The following LRRC4C variants were observed in gnomAD, a reference collection of about 807,000 sequenced individuals.
The protein encoded by LRRC4C is leucine-rich repeat-containing protein 4C.
LRRC4C carries 5 observed loss-of-function variants against 33.6 expected under a neutral mutation model. The observed-to-expected ratio is 0.15, with a 90% confidence interval of 0.08 to 0.31. LRRC4C has a LOEUF of 0.31. LRRC4C is among the 10% of genes least tolerant of loss of function. The pLI is 1.00. For missense variants in LRRC4C, 560 were observed against 796.7 expected (o/e 0.70, Z 3.58); for synonymous variants, 329 against 302.0 (o/e 1.09, Z -0.93).
intron 4 of LRRC4C, among the ~76,000 whole-genome samples, chr11:40,276,976 T>A (rs1353402693): frequency 6.6e-6 from 1 of 152,160 alleles, no homozygotes; most frequent in East Asian, 1.9e-4. Flanking sequence ...TATCACTATA[T>A]CTCTTCCTGC....
At chr11:40,793,294 T>G (rs935975133) in intron 2 of LRRC4C, among the ~76,000 whole-genome samples, 1 of 152,190 alleles carries the variant, frequency 6.6e-6, no homozygotes, top group Admixed American at 6.5e-5. Context: ...TTAAGAAATT[T>G]CTTACTTGAT....
chr11:40,663,812 A>G (rs916822857), intron 2 of LRRC4C, among the ~76,000 whole-genome samples: 5 of 152,238 alleles, frequency 3.3e-5, no homozygotes, highest in Non-Finnish European at 7.3e-5. Context: ...GAAACATTAG[A>G]CAATCCCATA....
intron 2 of LRRC4C, among the ~76,000 whole-genome samples, chr11:40,916,935 C>G (rs1339210174): frequency 6.6e-6 from 1 of 151,972 alleles, no homozygotes. Flanking sequence ...CAGTTAAGAT[C>G]TTTCTTAGAA....
At chr11:40,269,899 G>A (rs1456349409) in intron 4 of LRRC4C, among the ~76,000 whole-genome samples, 2 of 152,088 alleles carry the variant, frequency 1.3e-5, no homozygotes, top group Non-Finnish European at 2.9e-5. Flanking sequence ...TGGAACTTGG[G>A]ATTCCTTTTT....
At chr11:40,284,624 C>T (rs538949780) in intron 4 of LRRC4C, among the ~76,000 whole-genome samples, 1 of 152,198 alleles carries the variant, frequency 6.6e-6, no homozygotes, top group Non-Finnish European at 1.5e-5. Context: ...AGGAGAGAAA[C>T]GCTAGAATCT....
At chr11:41,410,472 C>A (rs1002464555) in intron 1 of LRRC4C, among the ~76,000 whole-genome samples, 1 of 147,174 alleles carries the variant, frequency 6.8e-6, no homozygotes, top group African/African-American at 2.5e-5. Context: ...AGTGCAGTGG[C>A]GCTATCTCCG....
intron 2 of LRRC4C, among the ~76,000 whole-genome samples, chr11:40,905,143 G>C (rs951421712): frequency 1.3e-5 from 2 of 152,092 alleles, no homozygotes; most frequent in African/African-American, 4.8e-5. Flanking sequence ...TGGAATAGGC[G>C]GGGAGGATTT....
intron 1 of LRRC4C, among the ~76,000 whole-genome samples, chr11:41,090,044 T>C (rs1940293699): frequency 6.6e-6 from 1 of 152,048 alleles, no homozygotes; most frequent in South Asian, 2.1e-4. Flanking sequence ...AGACTAAATG[T>C]CCAAATATAG....
chr11:41,345,755 G>A (rs955722331), intron 1 of LRRC4C, among the ~76,000 whole-genome samples: 9 of 152,010 alleles, frequency 5.9e-5, no homozygotes, highest in Admixed American at 5.2e-4. Context: ...CAGAGTCTCC[G>A]CACTAGATAC....
intron 5 of LRRC4C, among the ~76,000 whole-genome samples, chr11:40,188,414 A>G (rs1861577025): frequency 6.6e-6 from 1 of 152,228 alleles, no homozygotes; most frequent in South Asian, 2.1e-4. Flanking sequence ...ATCAGGATGA[A>G]TGTTTGTTCA....
At chr11:41,150,719 G>A (rs374212388) in intron 1 of LRRC4C, among the ~76,000 whole-genome samples, 19 of 151,732 alleles carry the variant, frequency 1.3e-4, no homozygotes, top group African/African-American at 3.4e-4. Context: ...AACCCAGGAC[G>A]CAGAGGTTGC....
At chr11:40,274,932 C>A (rs1942991084) in intron 4 of LRRC4C, among the ~76,000 whole-genome samples, 1 of 152,122 alleles carries the variant, frequency 6.6e-6, no homozygotes, top group Non-Finnish European at 1.5e-5. Context: ...CAACCACCTG[C>A]TCAGGGGCTC....
Position 40,368,786 on chromosome 11 carries a change from C to A in LRRC4C, c.-269-49065G>T, listed in dbSNP as rs921624798. Among the ~76,000 whole-genome samples, 14 of 152,256 alleles carry A rather than the reference C, an allele frequency of 9.2e-5. 1 individual carries two copies. The highest frequency in any genetic ancestry group is 4.6e-4 in the Admixed American group (7 of 15,290). ...TAGTGCTGATGTGAATGTTACCCGT[C>A]CCCTGGGCTTTGCAGACAAACAGAC... On this transcript the variant is annotated intron_variant, in intron 3 of 6. Transcript: ENST00000528697.
At chr11:40,585,786 T>C (rs1015236135) in intron 3 of LRRC4C, among the ~76,000 whole-genome samples, 2 of 138,468 alleles carry the variant, frequency 1.4e-5, no homozygotes, top group African/African-American at 5.2e-5. Flanking sequence ...TCCATGTCCC[T>C]ACAAAGGATA....
Position 40,958,999 on chromosome 11 carries a change from T to C in LRRC4C, c.-495-25276A>G, listed in dbSNP as rs1029312011. 2.6e-5 allele frequency among the ~76,000 whole-genome samples: 4 copies of C among 151,700 alleles called. No homozygotes were observed. The South Asian group carries it at 8.3e-4, about 31-fold the overall frequency. ...CTAACTGGAGCCAGACTGAACCTGATTGGTGTGGAATGGAGTTCAGAGCAG... is the reference window on the plus strand; with the variant it reads ...CTAACTGGAGCCAGACTGAACCTGACTGGTGTGGAATGGAGTTCAGAGCAG... On this transcript the variant is annotated intron_variant, in intron 1 of 6. Transcript: ENST00000528697.
intron 4 of LRRC4C, among the ~76,000 whole-genome samples, chr11:40,287,928 T>A (rs1417871694): frequency 6.6e-6 from 1 of 152,240 alleles, no homozygotes; most frequent in South Asian, 2.1e-4. Context: ...TCTTTCTTAG[T>A]CTATGCCAAT....
intron 3 of LRRC4C, among the ~76,000 whole-genome samples, chr11:40,492,961 T>A (rs1049497991): frequency 6.6e-6 from 1 of 152,000 alleles, no homozygotes; most frequent in African/African-American, 2.4e-5. Flanking sequence ...AAGGGCCATC[T>A]TTTCTACCTG....
At chr11:41,166,916 C>T (rs1344781025) in intron 1 of LRRC4C, among the ~76,000 whole-genome samples, 1 of 152,112 alleles carries the variant, frequency 6.6e-6, no homozygotes, top group Non-Finnish European at 1.5e-5. Context: ...ACTAACACAA[C>T]CCCTCTCCCC....
At chr11:41,200,029 A>G (rs2136255163) in intron 1 of LRRC4C, among the ~76,000 whole-genome samples, 1 of 152,262 alleles carries the variant, frequency 6.6e-6, no homozygotes, top group Admixed American at 6.5e-5. Context: ...ATGAGAGATT[A>G]TGTAAAAAAC....
Sources: allele counts gnomAD v4.1 joint callset (sites outside exome capture counted in the v4.1 genomes callset), GRCh38; gene constraint gnomAD v4.1.1; transcripts MANE v1.5; gene names NCBI Gene and HGNC (gene_info 2026-07-23, HGNC 2026-07-21).